Variants in NEGR1 observed in about 807,000 individuals in gnomAD.
NEGR1 encodes neuronal growth regulator 1.
Under a neutral mutation model 40.9 loss-of-function variants are expected in NEGR1, and 10 were observed. That is an observed-to-expected ratio of 0.24 (90% CI 0.15 to 0.42). The LOEUF (loss-of-function observed/expected upper bound fraction) is 0.42. Among genes scored for constraint, NEGR1 ranks in the 10% least tolerant of loss-of-function variants. The probability of loss-of-function intolerance (pLI) is 1.00; values close to 1 mark genes in which losing one functional copy is unlikely to be tolerated. For synonymous variants in NEGR1, 185 were observed against 166.8 expected, an observed-to-expected ratio of 1.11 and a Z score of -0.84; for missense variants, 352 against 438.9, an observed-to-expected ratio of 0.80 and a Z score of 1.77.
At chr1:71,913,461 A>C (rs1376591815) in intron 2 of NEGR1, among the ~76,000 whole-genome samples, 1 of 152,136 alleles carries the variant, frequency 6.6e-6, no homozygotes, top group Non-Finnish European at 1.5e-5. Context: ...ACTTAATACA[A>C]ACAAGACAAG....
chr1:71,930,053 C>T (rs892946810), intron 2 of NEGR1, among the ~76,000 whole-genome samples: 1 of 151,944 alleles, frequency 6.6e-6, no homozygotes, highest in Non-Finnish European at 1.5e-5. Flanking sequence ...TGGAGTTTTG[C>T]CTAAGAAGGA....
intron 3 of NEGR1, among the ~76,000 whole-genome samples, chr1:71,744,213 TTACTC>T (rs1377088642): frequency 6.6e-6 from 1 of 151,226 alleles, no homozygotes; most frequent in Non-Finnish European, 1.5e-5. Flanking sequence ...GTCCAAATCT[TTACTC>T]TGCTCTGCAG....
intron 3 of NEGR1, among the ~76,000 whole-genome samples, chr1:71,710,036 A>G (rs939137437): frequency 3.9e-5 from 6 of 152,192 alleles, no homozygotes; most frequent in Non-Finnish European, 5.9e-5. Flanking sequence ...TCAAACAACT[A>G]TATAGGAAAA....
At chr1:71,535,393 C>T (rs1647481660) in intron 6 of NEGR1, among the ~76,000 whole-genome samples, 1 of 151,684 alleles carries the variant, frequency 6.6e-6, no homozygotes, top group Non-Finnish European at 1.5e-5. Context: ...CCAAGCTCTT[C>T]TTTGTACTTG....
intron 4 of NEGR1, among the ~76,000 whole-genome samples, chr1:71,695,026 T>G (rs925170613): frequency 6.6e-6 from 1 of 151,806 alleles, no homozygotes; most frequent in Non-Finnish European, 1.5e-5. Context: ...AACTAAACTT[T>G]GTTCAGTAGG....
At chr1:72,027,460 C>CA (rs576721394) in intron 1 of NEGR1, among the ~76,000 whole-genome samples, 344 of 150,426 alleles carry the variant, frequency 2.3e-3, no homozygotes, top group African/African-American at 8.0e-3. Context: ...AAGTTTCTCT[C>CA]AAAAAAACAA....
At chr1:71,486,731 G>C (rs942140482) in intron 6 of NEGR1, 2 of 151,482 alleles carry the variant, frequency 1.3e-5, no homozygotes, top group African/African-American at 4.8e-5. Context: ...AAGAGCTAGA[G>C]ATAAAAGCAA....
At position 71,656,506 on chromosome 1, in the gene NEGR1, G is replaced by A. The variant is rs533045844; in HGVS notation, c.667+41502C>T. ...CGGCTTACTGCAAACTCCACCTCCC[G>A]GGTTCACGCCATTCTCCTGCCTCAG... On this transcript the variant is annotated intron_variant, in intron 4 of 6. Coordinates refer to ENST00000357731, the MANE Select transcript of NEGR1 (RefSeq NM_173808.3). Among the ~76,000 whole-genome samples, 22 of 152,146 alleles carry A rather than the reference G, an allele frequency of 1.4e-4. No individual in the cohort carries two copies. In the South Asian group the frequency reaches 3.5e-3, roughly 24 times the overall value.
chr1:72,227,035 T>A (rs1654213691), intron 1 of NEGR1, among the ~76,000 whole-genome samples: 1 of 152,088 alleles, frequency 6.6e-6, no homozygotes, highest in Non-Finnish European at 1.5e-5. Flanking sequence ...ATAATGAATT[T>A]AAGAATATCC....
chr1:72,137,182 G>A (rs1268352313), intron 1 of NEGR1, among the ~76,000 whole-genome samples: 2 of 152,160 alleles, frequency 1.3e-5, no homozygotes, highest in African/African-American at 4.8e-5. Context: ...GTGGAAGACA[G>A]TGTGGCTACT....
At chr1:71,714,596 G>A (rs370805566) in intron 3 of NEGR1, among the ~76,000 whole-genome samples, 1 of 152,192 alleles carries the variant, frequency 6.6e-6, no homozygotes, top group Non-Finnish European at 1.5e-5. Flanking sequence ...GCAAATGGGA[G>A]AAATTGGCCA....
At chr1:71,497,308 A>G (rs1268027122) in intron 6 of NEGR1, among the ~76,000 whole-genome samples, 2 of 152,186 alleles carry the variant, frequency 1.3e-5, no homozygotes, top group Admixed American at 6.5e-5. Flanking sequence ...CTGTGTTCAA[A>G]TAGTCTTCTG....
chr1:71,869,753 A>T lies in NEGR1; in HGVS notation c.409+65326T>A, dbSNP rs533407974. 1.8e-3 allele frequency among the ~76,000 whole-genome samples: 281 copies of T among 152,186 alleles called. 1 individual carries two copies. In the Middle Eastern group the frequency reaches 0.051, roughly 28 times the overall value. On this transcript the variant is annotated intron_variant, in intron 2 of 6. Coordinates refer to ENST00000357731, the MANE Select transcript of NEGR1 (RefSeq NM_173808.3). The stretch of plus-strand genomic sequence containing the variant: ...GCTCTAAAGAATAATTATTATTTTG[A>T]CTTCTTATTTTTCACTTTCACTTAA...
intron 1 of NEGR1, among the ~76,000 whole-genome samples, chr1:71,955,283 T>C (rs2100283587): frequency 6.6e-6 from 1 of 152,282 alleles, no homozygotes; most frequent in Admixed American, 6.5e-5. Context: ...TACCAAAAAA[T>C]ATTAATGGCA....
At chr1:71,795,431 C>G (rs1408872421) in intron 2 of NEGR1, among the ~76,000 whole-genome samples, 1 of 152,062 alleles carries the variant, frequency 6.6e-6, no homozygotes, top group African/African-American at 2.4e-5. Context: ...TTAGGACCAT[C>G]TGAGATGTTC....
At chr1:71,622,557 T>G (rs966382534) in intron 4 of NEGR1, among the ~76,000 whole-genome samples, 1 of 151,896 alleles carries the variant, frequency 6.6e-6, no homozygotes, top group East Asian at 1.9e-4. Flanking sequence ...AATGAAAATA[T>G]GTTTCTACTT....
chr1:71,790,946 G>A (rs75550569), intron 2 of NEGR1, among the ~76,000 whole-genome samples: 3 of 152,064 alleles, frequency 2.0e-5, no homozygotes, highest in East Asian at 1.9e-4. Flanking sequence ...TTTGTTGTTC[G>A]GGACTGGCGA....
chr1:72,264,196 T>A (rs910633142), intron 1 of NEGR1, among the ~76,000 whole-genome samples: 1 of 151,380 alleles, frequency 6.6e-6, no homozygotes, highest in African/African-American at 2.4e-5. Flanking sequence ...TGAGTTCCAA[T>A]CCAAGCTTTG....
At chr1:72,006,837 A>C (rs534149974) in intron 1 of NEGR1, among the ~76,000 whole-genome samples, 1 of 152,234 alleles carries the variant, frequency 6.6e-6, no homozygotes, top group East Asian at 1.9e-4. Flanking sequence ...CCAGAGCTGA[A>C]TATTCTCTGC....
Sources: allele counts gnomAD v4.1 joint callset (sites outside exome capture counted in the v4.1 genomes callset), GRCh38; gene constraint gnomAD v4.1.1; transcripts MANE v1.5; gene names NCBI Gene and HGNC (gene_info 2026-07-23, HGNC 2026-07-21).